RPH3A: variants seen among roughly 807,000 people sequenced by gnomAD.
RPH3A encodes rabphilin-3A.
In RPH3A, 48 loss-of-function variants were observed where a neutral mutation model predicts 102.2. The observed-to-expected ratio is 0.47, with a 90% confidence interval of 0.37 to 0.60. The LOEUF is 0.60. Among genes scored for constraint, RPH3A ranks in the 20% least tolerant of loss-of-function variants. The probability of loss-of-function intolerance (pLI) is 0.00; values close to 1 mark genes in which losing one functional copy is unlikely to be tolerated. For synonymous variants in RPH3A, 310 were observed against 324.3 expected, an observed-to-expected ratio of 0.96 and a Z score of 0.47; for missense variants, 781 against 910.1, an observed-to-expected ratio of 0.86 and a Z score of 1.83.
At chr12:112,725,855 A>G (rs79473078) in intron 1 of RPH3A, among the ~76,000 whole-genome samples, 115,311 of 150,610 alleles carry the variant, frequency 0.77, 45,055 homozygotes, top group African/African-American at 0.92. Flanking sequence ...GAGTGCGGTG[A>G]TGCGATCTCG....
intron 1 of RPH3A, among the ~76,000 whole-genome samples, chr12:112,652,137 G>A (rs1723455073): frequency 4.6e-5 from 7 of 152,084 alleles, no homozygotes; most frequent in Admixed American, 4.6e-4. Flanking sequence ...ACTAGATCAT[G>A]TGGGAATTGT....
chr12:112,691,031 C>T (rs1329499230), intron 1 of RPH3A, among the ~76,000 whole-genome samples: 1 of 147,456 alleles, frequency 6.8e-6, no homozygotes, highest in Non-Finnish European at 1.5e-5. Context: ...TCATGACCAT[C>T]TTTTTTTTTT....
chr12:112,707,254 G>A (rs923751274), intron 1 of RPH3A, among the ~76,000 whole-genome samples: 6 of 152,198 alleles, frequency 3.9e-5, no homozygotes, highest in Admixed American at 2.6e-4. Context: ...CCCTAGGTAA[G>A]TTAATTAGCC....
chr12:112,805,018 G>A (rs1377982588), intron 2 of RPH3A, among the ~76,000 whole-genome samples: 1 of 151,872 alleles, frequency 6.6e-6, no homozygotes, highest in Non-Finnish European at 1.5e-5. Context: ...GTTGCCGACC[G>A]AGTTTTCCTA....
intron 1 of RPH3A, among the ~76,000 whole-genome samples, chr12:112,714,794 T>G (rs529512493): frequency 1.6e-4 from 25 of 152,318 alleles, no homozygotes; most frequent in Middle Eastern, 3.4e-3. Context: ...TATGGTTGAT[T>G]AGCAATGTCT....
chr12:112,591,910 G>A (rs756868369), intron 1 of RPH3A, among the ~76,000 whole-genome samples: 11 of 152,150 alleles, frequency 7.2e-5, no homozygotes, highest in East Asian at 1.9e-4. Context: ...CAGTATCCCC[G>A]GGGTTGGTTC....
chr12:112,707,309 C>T (rs1486350276), intron 1 of RPH3A, among the ~76,000 whole-genome samples: 1 of 152,200 alleles, frequency 6.6e-6, no homozygotes, highest in Non-Finnish European at 1.5e-5. Context: ...TCCTCCTCGA[C>T]CATCACCATC....
At chr12:112,883,862 T>TA in intron 16 of RPH3A, among the ~76,000 whole-genome samples, 1 of 133,926 alleles carries the variant, frequency 7.5e-6, no homozygotes, top group Non-Finnish European at 1.7e-5. Flanking sequence ...TGGATATATA[T>TA]ATATATCCAC....
chr12:112,786,694 A>C (rs2136081052), intron 1 of RPH3A, among the ~76,000 whole-genome samples: 1 of 152,296 alleles, frequency 6.6e-6, no homozygotes, highest in Non-Finnish European at 1.5e-5. Context: ...TGATTGAAGC[A>C]CTGGGTTCTT....
At chr12:112,773,096 C>CAT (rs1296934283) in intron 1 of RPH3A, among the ~76,000 whole-genome samples, 4 of 151,716 alleles carry the variant, frequency 2.6e-5, no homozygotes, top group African/African-American at 9.7e-5. Flanking sequence ...AGTATTCCAT[C>CAT]ATATATATAT....
chr12:112,824,317 G>T (rs1411489058), intron 2 of RPH3A, among the ~76,000 whole-genome samples: 1 of 152,118 alleles, frequency 6.6e-6, no homozygotes, highest in Non-Finnish European at 1.5e-5. Flanking sequence ...TGGTATCTCT[G>T]GGCAAAGCAG....
intron 4 of RPH3A, among the ~76,000 whole-genome samples, chr12:112,840,611 T>C (rs2136176680): frequency 6.6e-6 from 1 of 152,294 alleles, no homozygotes; most frequent in Non-Finnish European, 1.5e-5. Flanking sequence ...GTTTGAGAAG[T>C]GATGAACTCT....
chr12:112,858,942 T>A (rs911849065), intron 5 of RPH3A, among the ~76,000 whole-genome samples: 2 of 152,162 alleles, frequency 1.3e-5, no homozygotes, highest in Non-Finnish European at 2.9e-5. Context: ...CCCAGCCTGG[T>A]GATGGATGTT....
chr12:112,883,613 A>G (rs112296398), intron 16 of RPH3A, among the ~76,000 whole-genome samples: 2 of 152,100 alleles, frequency 1.3e-5, no homozygotes, highest in African/African-American at 4.8e-5. Flanking sequence ...TTTACTGTTA[A>G]CATCTTGGTA....
chr12:112,724,529 A>G (rs920239372), intron 1 of RPH3A, among the ~76,000 whole-genome samples: 1 of 152,182 alleles, frequency 6.6e-6, no homozygotes, highest in Non-Finnish European at 1.5e-5. Flanking sequence ...ATATACTGCT[A>G]TTTCTGCTTT....
intron 1 of RPH3A, among the ~76,000 whole-genome samples, chr12:112,708,466 G>A (rs895058412): frequency 4.6e-5 from 7 of 152,156 alleles, no homozygotes; most frequent in South Asian, 2.1e-4. Flanking sequence ...AAATGGGGGC[G>A]TACAAGGGAT....
At chr12:112,748,340 C>G (rs2040762354) in intron 1 of RPH3A, among the ~76,000 whole-genome samples, 1 of 152,116 alleles carries the variant, frequency 6.6e-6, no homozygotes, top group Non-Finnish European at 1.5e-5. Flanking sequence ...CACTCCCCCA[C>G]TGTTTTTTTT....
intron 1 of RPH3A, among the ~76,000 whole-genome samples, chr12:112,637,121 A>T (rs777312232): frequency 6.6e-6 from 1 of 152,128 alleles, no homozygotes; most frequent in South Asian, 2.1e-4. Flanking sequence ...AGTATTTCCA[A>T]ACATATATAA....
At chr12:112,863,909 C>T (rs1358184969) in intron 5 of RPH3A, among the ~76,000 whole-genome samples, 3 of 152,230 alleles carry the variant, frequency 2.0e-5, no homozygotes, top group Non-Finnish European at 4.4e-5. Flanking sequence ...TATACAAATC[C>T]TCACTACAGC....
Sources: gnomAD v4.1 joint callset for allele counts (sites outside exome capture counted in the v4.1 genomes callset) on GRCh38, gnomAD v4.1.1 for gene constraint, MANE v1.5 for transcripts, NCBI Gene and HGNC (gene_info 2026-07-23, HGNC 2026-07-21) for gene names.